The following PAPPA2 variants were observed in gnomAD, a reference collection of about 807,000 sequenced individuals.
PAPPA2 encodes the protein pappalysin 2.
Under a neutral mutation model 176.4 loss-of-function variants are expected in PAPPA2, and 86 were observed. The observed-to-expected ratio is 0.49, with a 90% CI of 0.41 to 0.58. PAPPA2 has a LOEUF of 0.58. Ranked by LOEUF, PAPPA2 falls within the 20% of genes least tolerant of loss-of-function variation. The pLI, the probability that PAPPA2 is intolerant of heterozygous loss-of-function variation, is 0.00. For synonymous variants in PAPPA2, 809 were observed against 852.2 expected (o/e 0.95, Z 0.88); for missense variants, 2,073 against 2,256.9 (o/e 0.92, Z 1.65).
rs945650823 is a variant in PAPPA2 at position 176,695,675 on chromosome 1, T to C, written c.2625-63T>C. 1.9e-6 allele frequency: 3 copies of C among 1,577,408 alleles called. No homozygotes were observed. In the African/African-American group the frequency reaches 4.1e-5, roughly 21 times the overall value. On this transcript the variant is annotated intron_variant, in intron 6 of 22. Coordinates refer to ENST00000367662, the MANE Select transcript of PAPPA2 (RefSeq NM_020318.3). ...CCCCACACAAAGGTCTTTCTAATTTTCTTATCCCAACTCATCTGATGGACT... is the reference window on the plus strand; with the variant it reads ...CCCCACACAAAGGTCTTTCTAATTTCCTTATCCCAACTCATCTGATGGACT...
intron 17 of PAPPA2, among the ~76,000 whole-genome samples, chr1:176,788,709 G>A (rs954723061): frequency 2.0e-5 from 3 of 152,130 alleles, no homozygotes; most frequent in African/African-American, 4.8e-5. Context: ...GACCATGTCT[G>A]GGCATGAGAA....
rs1375519072 is a variant in PAPPA2, at chr1:176,534,015, AATG to A, written c.-916-21389_-916-21387del. Among the ~76,000 whole-genome samples the A allele has an allele frequency of 2.6e-5, 4 of 152,380 alleles. No homozygotes were observed. In the East Asian group the frequency reaches 5.8e-4, roughly 22 times the overall value. On this transcript the variant is annotated intron_variant, in intron 1 of 22. Transcript: ENST00000367662. ...TTTTAAATGTTGACTTACATTTTGA[AATG>A]ATAATATTTTGGATATACGTATTTG...
intron 1 of PAPPA2, among the ~76,000 whole-genome samples, chr1:176,483,217 T>C (rs192334389): frequency 1.3e-5 from 2 of 152,282 alleles, no homozygotes; most frequent in Admixed American, 1.3e-4. Context: ...TTTCCCTCTC[T>C]GTGACTGTAT....
At chr1:176,657,227 GA>G (rs1244888550) in intron 3 of PAPPA2, among the ~76,000 whole-genome samples, 3 of 151,958 alleles carry the variant, frequency 2.0e-5, no homozygotes, top group Non-Finnish European at 4.4e-5. Flanking sequence ...TCTGTCAGAT[GA>G]AAAGAAGTTA....
chr1:176,593,872 T>TG (rs1653800490), intron 2 of PAPPA2, among the ~76,000 whole-genome samples: 1 of 152,186 alleles, frequency 6.6e-6, no homozygotes, highest in Non-Finnish European at 1.5e-5. Context: ...GCTAGGACCA[T>TG]GGGGCAGTGC....
chr1:176,813,417 G>A (rs1294760191), intron 21 of PAPPA2, among the ~76,000 whole-genome samples: 1 of 152,120 alleles, frequency 6.6e-6, no homozygotes, highest in East Asian at 1.9e-4. Context: ...CAGTGTAAAA[G>A]CATTCCTTTT....
intron 1 of PAPPA2, among the ~76,000 whole-genome samples, chr1:176,546,634 G>C (rs1388679694): frequency 6.6e-6 from 1 of 152,182 alleles, no homozygotes; most frequent in Non-Finnish European, 1.5e-5. Context: ...TATTGCAAAA[G>C]AGAATGCACG....
At position 176,769,730 on chromosome 1, in the gene PAPPA2, A is replaced by G. The variant is rs1664138880; in HGVS notation, c.4447A>G (p.Thr1483Ala). 3 of 1,612,806 alleles carry G rather than the reference A, an allele frequency of 1.9e-6. No homozygotes were observed. The highest frequency in any genetic ancestry group is 1.3e-5 in the African/African-American group (1 of 74,902). The change falls in exon 16 of 23, where the codon ACC becomes GCC. Residue 1483 changes from threonine (T) to alanine (A), a missense_variant. Physicochemically the swap from Thr to Ala is moderately conservative, Grantham distance 58 (BLOSUM62 0). Around this residue, in one of 4 missense-constraint regions of PAPPA2, gnomAD observed 846 missense variants for 857.9 expected, o/e 0.99. Transcript: ENST00000367662. ...TGCAAACTTCTCCTGCTCAGAGGGAACCAAATTTCTGAAACGCTGCTCAAT... is the reference window on the plus strand; with the variant it reads ...TGCAAACTTCTCCTGCTCAGAGGGAGCCAAATTTCTGAAACGCTGCTCAAT... ...NYANFSCSEGTKFLKRCSISC... is the reference protein window; with the variant it reads ...NYANFSCSEGAKFLKRCSISC...
chr1:176,650,974 A>T (rs190467011), intron 3 of PAPPA2, among the ~76,000 whole-genome samples: 1 of 151,882 alleles, frequency 6.6e-6, no homozygotes, highest in East Asian at 1.9e-4. Flanking sequence ...AAAATAATAC[A>T]AAGAAATAAA....
chr1:176,719,211 T>G (rs868568044), intron 12 of PAPPA2, among the ~76,000 whole-genome samples: 2,093 of 147,104 alleles, frequency 0.014, 49 homozygotes, highest in African/African-American at 0.044. Context: ...ATCTAAAAGA[T>G]TTTTTTTTTT....
chr1:176,670,465 T>G (rs752017294), intron 3 of PAPPA2, among the ~76,000 whole-genome samples: 3 of 152,228 alleles, frequency 2.0e-5, no homozygotes, highest in South Asian at 4.1e-4. Context: ...CATATTTTCC[T>G]CTTTTACTTT....
intron 1 of PAPPA2, among the ~76,000 whole-genome samples, chr1:176,546,838 C>G (rs1650665565): frequency 6.6e-6 from 1 of 152,054 alleles, no homozygotes. Flanking sequence ...TGGAAAAATG[C>G]TGATTTTGTG....
Position 176,595,461 on chromosome 1 carries a change from C to T in PAPPA2, c.1857C>T (p.Tyr619=). The T allele has an allele frequency of 6.2e-7, 1 of 1,614,242 alleles. No individual in the cohort carries two copies. The highest frequency in any genetic ancestry group is 8.5e-7 in the Non-Finnish European group (1 of 1,180,054). ...GGDCRLQGRC[Y]SWNRRDGLCH... ...ACTGCCGCCTGCAGGGCCGCTGCTA[C>T]TCCTGGAACCGCAGGGATGGGCTCT... The change falls in exon 3 of 23, where the codon TAC becomes TAT. Residue 619 remains tyrosine (Y), a synonymous_variant. Coordinates refer to ENST00000367662, the MANE Select transcript of PAPPA2 (RefSeq NM_020318.3).
In PAPPA2 at chr1:176,619,099, C is replaced by T. The variant is rs1005976879; in HGVS notation, c.1991+23504C>T. 2.6e-5 allele frequency among the ~76,000 whole-genome samples: 4 copies of T among 152,082 alleles called. No individual in the cohort carries two copies. The South Asian group carries it at 8.3e-4, about 32-fold the overall frequency. ...TATCACCCAGGTAAACCAGGACATA[C>T]TTCATACGGGTATGGCTCATGGAGG... On this transcript the variant is annotated intron_variant, in intron 3 of 22. Coordinates refer to ENST00000367662, the MANE Select transcript of PAPPA2 (RefSeq NM_020318.3).
chr1:176,495,765 C>T (rs1647572950), intron 1 of PAPPA2, among the ~76,000 whole-genome samples: 1 of 150,728 alleles, frequency 6.6e-6, no homozygotes, highest in African/African-American at 2.4e-5. Context: ...AATATCTTAC[C>T]AGTTAGAAAA....
intron 1 of PAPPA2, among the ~76,000 whole-genome samples, chr1:176,492,637 G>A (rs1647353364): frequency 1.3e-5 from 2 of 152,160 alleles, no homozygotes; most frequent in Admixed American, 1.3e-4. Flanking sequence ...GGGGGTAGTG[G>A]TGGGACTGTG....
chr1:176,765,360 TATTC>T, intron 14 of PAPPA2, among the ~76,000 whole-genome samples: 1 of 152,204 alleles, frequency 6.6e-6, no homozygotes, highest in Non-Finnish European at 1.5e-5. Flanking sequence ...TCCCATGATC[TATTC>T]ATTTCTGAGC....
intron 3 of PAPPA2, among the ~76,000 whole-genome samples, chr1:176,618,218 G>C (rs891780743): frequency 1.3e-5 from 2 of 152,134 alleles, no homozygotes; most frequent in Non-Finnish European, 2.9e-5. Context: ...GCTAAACCTT[G>C]AACTTGGCCA....
intron 14 of PAPPA2, among the ~76,000 whole-genome samples, chr1:176,760,599 C>T (rs888606173): frequency 6.6e-6 from 1 of 152,104 alleles, no homozygotes; most frequent in East Asian, 1.9e-4. Flanking sequence ...TAAAGCCTGC[C>T]TTATGGAATA....
Sources: gnomAD v4.1 joint callset for allele counts (sites outside exome capture counted in the v4.1 genomes callset) on GRCh38, gnomAD v4.1.1 for gene constraint, gnomAD v4.1.1 regional missense constraint, MANE v1.5 for transcripts, NCBI Gene and HGNC (gene_info 2026-07-23, HGNC 2026-07-21) for gene names.